The following SPMAP2L variants were observed in gnomAD, a reference collection of about 807,000 sequenced individuals.
The protein encoded by SPMAP2L is sperm microtubule associated protein 2-like.
At chr4:56,531,092 T>C in the SPMAP2L span, 1 of 1,535,542 alleles carries the variant, frequency 6.5e-7, no homozygotes, top group Non-Finnish European at 8.7e-7. Flanking sequence ...ACCGAGTTGC[T>C]TCCCAGCGCC....
At chr4:56,571,927 G>A in the SPMAP2L span, among the ~76,000 whole-genome samples, 6 of 152,116 alleles carry the variant, frequency 3.9e-5, no homozygotes, top group African/African-American at 1.4e-4. Context: ...TCCACATCTT[G>A]TCTCACTAGA....
At chr4:56,566,695 CTTTTTTTTTTT>C in the SPMAP2L span, among the ~76,000 whole-genome samples, 7 of 92,448 alleles carry the variant, frequency 7.6e-5, no homozygotes, top group African/African-American at 1.7e-4. Context: ...TTTTCTTTTT[CTTTTTTTTTTT>C]TTTTTTTTTT....
chr4:56,600,987 G>A, the SPMAP2L span: 43 of 1,535,298 alleles, frequency 2.8e-5, no homozygotes, highest in East Asian at 3.9e-4. Flanking sequence ...TAGCTCTAGC[G>A]AAGTCCAAGT....
chr4:56,590,887 A>G, the SPMAP2L span, among the ~76,000 whole-genome samples: 6 of 152,024 alleles, frequency 3.9e-5, no homozygotes, highest in Non-Finnish European at 8.8e-5. Flanking sequence ...TTTAACTAGT[A>G]CTTTGTTGTG....
At chr4:56,543,689 CAAATAAAT>C in the SPMAP2L span, among the ~76,000 whole-genome samples, 1 of 151,650 alleles carries the variant, frequency 6.6e-6, no homozygotes, top group Admixed American at 6.6e-5. Flanking sequence ...GATTCTGTCT[CAAATAAAT>C]AAATAAATAA....
chr4:56,625,118 C>G, the SPMAP2L span, among the ~76,000 whole-genome samples: 1 of 152,144 alleles, frequency 6.6e-6, no homozygotes, highest in Non-Finnish European at 1.5e-5. Context: ...GACCTGGAGT[C>G]AAAGGAGATC....
the SPMAP2L span, among the ~76,000 whole-genome samples, chr4:56,620,387 T>TTG: frequency 3.1e-4 from 20 of 65,430 alleles, no homozygotes; most frequent in African/African-American, 3.1e-3. Flanking sequence ...AGCCTTCTAG[T>TTG]TTTTTTTTTT....
At chr4:56,533,275 C>A in the SPMAP2L span, among the ~76,000 whole-genome samples, 1 of 152,190 alleles carries the variant, frequency 6.6e-6, no homozygotes. Context: ...ACTGTATTTC[C>A]ACAGTCAATT....
the SPMAP2L span, chr4:56,584,441 AGTT>A: frequency 5.2e-6 from 6 of 1,155,136 alleles, no homozygotes; most frequent in East Asian, 1.0e-4. Flanking sequence ...TGGAAAATCC[AGTT>A]GTTGTTTCTC....
At chr4:56,545,903 C>T in the SPMAP2L span, among the ~76,000 whole-genome samples, 1 of 152,118 alleles carries the variant, frequency 6.6e-6, no homozygotes, top group African/African-American at 2.4e-5. Flanking sequence ...AGCGATTCTC[C>T]TGCCTCAGCC....
the SPMAP2L span, among the ~76,000 whole-genome samples, chr4:56,570,980 T>G: frequency 6.6e-6 from 1 of 151,970 alleles, no homozygotes; most frequent in African/African-American, 2.4e-5. Flanking sequence ...ACTTTTGTAT[T>G]TTTAGTAGAG....
chr4:56,621,618 G>T, the SPMAP2L span, among the ~76,000 whole-genome samples: 1 of 152,166 alleles, frequency 6.6e-6, no homozygotes, highest in African/African-American at 2.4e-5. Context: ...GATGCTGATT[G>T]AACACAATTA....
the SPMAP2L span, among the ~76,000 whole-genome samples, chr4:56,545,704 G>A: frequency 2.3e-5 from 3 of 130,068 alleles, no homozygotes; most frequent in Non-Finnish European, 4.7e-5. Flanking sequence ...CTGGGCAACA[G>A]AGAGACCCTG....
the SPMAP2L span, among the ~76,000 whole-genome samples, chr4:56,604,419 G>T: frequency 2.0e-5 from 3 of 152,182 alleles, no homozygotes; most frequent in Admixed American, 2.0e-4. Context: ...TAGCACTTTG[G>T]GAGGCCGAGG....
chr4:56,617,127 C>T, the SPMAP2L span, among the ~76,000 whole-genome samples: 12 of 152,260 alleles, frequency 7.9e-5, no homozygotes, highest in African/African-American at 2.6e-4. Context: ...ATTCTGTGAA[C>T]ATCATAGAGT....
chr4:56,604,624 C>T, the SPMAP2L span, among the ~76,000 whole-genome samples: 2 of 151,572 alleles, frequency 1.3e-5, no homozygotes, highest in Admixed American at 1.3e-4. Flanking sequence ...CACCACTGCA[C>T]TCCAGCCTGG....
the SPMAP2L span, among the ~76,000 whole-genome samples, chr4:56,575,033 G>A: frequency 1.4e-4 from 21 of 152,026 alleles, no homozygotes; most frequent in African/African-American, 4.3e-4. Flanking sequence ...GGTGGATCAC[G>A]AGGTCAGGAG....
At chr4:56,598,007 C>T in the SPMAP2L span, among the ~76,000 whole-genome samples, 2 of 152,178 alleles carry the variant, frequency 1.3e-5, no homozygotes, top group Non-Finnish European at 2.9e-5. Flanking sequence ...GGACTACAGG[C>T]ATGTGCCACC....
At chr4:56,536,708 C>T in the SPMAP2L span, among the ~76,000 whole-genome samples, 2 of 152,126 alleles carry the variant, frequency 1.3e-5, no homozygotes, top group African/African-American at 4.8e-5. Context: ...AGATGTGGTA[C>T]ATTGTAAGTG....
Sources: gnomAD v4.1 joint callset for allele counts (sites outside exome capture counted in the v4.1 genomes callset) on GRCh38, gnomAD v4.1.1 for gene constraint, MANE v1.5 for transcripts, NCBI Gene and HGNC (gene_info 2026-07-23, HGNC 2026-07-21) for gene names.